Variants in ATL2 observed in about 807,000 individuals in gnomAD.
ATL2 encodes atlastin-2.
A neutral mutation model predicts 73.9 loss-of-function variants in ATL2; 31 were observed. The ratio of observed to expected loss-of-function variants is 0.42; its 90% confidence interval spans 0.32 to 0.57. The LOEUF (loss-of-function observed/expected upper bound fraction) is 0.57, where lower values mean the gene tolerates loss of function less well. Among genes scored for constraint, ATL2 ranks in the 20% least tolerant of loss-of-function variants. The pLI is 0.14. For missense variants in ATL2, 738 were observed against 702.6 expected (o/e 1.05, Z -0.57); for synonymous variants, 291 against 237.5 (o/e 1.23, Z -2.07).
chr2:38,369,427 A>G (rs1332821321), intron 1 of ATL2, among the ~76,000 whole-genome samples: 1 of 152,036 alleles, frequency 6.6e-6, no homozygotes, highest in Non-Finnish European at 1.5e-5. Context: ...TGGGCGACAG[A>G]GTAAGACTCT....
intron 1 of ATL2, among the ~76,000 whole-genome samples, chr2:38,376,932 G>A (rs1259152360): frequency 6.6e-6 from 1 of 150,910 alleles, no homozygotes; most frequent in South Asian, 2.1e-4. Flanking sequence ...AGCTACTGGA[G>A]CCGCGGCCCA....
intron 1 of ATL2, among the ~76,000 whole-genome samples, chr2:38,366,336 G>C (rs1671330149): frequency 2.0e-5 from 3 of 152,056 alleles, no homozygotes; most frequent in Admixed American, 2.0e-4. Context: ...TGCTCTATTT[G>C]GCTACAGGAA....
chr2:38,319,797 A>C (rs1029738916), intron 2 of ATL2, among the ~76,000 whole-genome samples: 1 of 152,080 alleles, frequency 6.6e-6, no homozygotes, highest in African/African-American at 2.4e-5. Flanking sequence ...TACTGCCTTC[A>C]TTTCCTCTTT....
intron 1 of ATL2, among the ~76,000 whole-genome samples, chr2:38,355,813 C>T (rs899572136): frequency 1.3e-5 from 2 of 151,408 alleles, no homozygotes; most frequent in African/African-American, 4.9e-5. Context: ...AATTCTCCTG[C>T]CTCAGCCTCC....
chr2:38,311,411 T>C (rs1667750958), intron 7 of ATL2, among the ~76,000 whole-genome samples: 1 of 82,224 alleles, frequency 1.2e-5, no homozygotes, highest in Non-Finnish European at 3.0e-5. Context: ...TGGAAAACAA[T>C]TTTAACAAAA....
rs138339715 is a variant in ATL2 at position 38,320,785 on chromosome 2, A to G, written c.364-1766T>C. ...TTAGGAGTGGAGAGATGGTTAAGAC[A>G]GGACCAATGAGGGATGAAGCAATTT... On this transcript the variant is annotated intron_variant, in intron 2 of 12. Transcript: ENST00000378954. 4.2e-3 allele frequency among the ~76,000 whole-genome samples: 638 copies of G among 152,286 alleles called. 8 individuals carry two copies. The South Asian group carries it at 0.045, about 11-fold the overall frequency.
At chr2:38,348,442 G>C in intron 1 of ATL2, among the ~76,000 whole-genome samples, 1 of 151,088 alleles carries the variant, frequency 6.6e-6, no homozygotes, top group Non-Finnish European at 1.5e-5. Context: ...CTCCAGCCTG[G>C]GCAACAAGAG....
At chr2:38,316,000 G>A (rs1329898658) in intron 4 of ATL2, among the ~76,000 whole-genome samples, 3 of 152,146 alleles carry the variant, frequency 2.0e-5, no homozygotes, top group South Asian at 2.1e-4. Flanking sequence ...CTCAGGAAAC[G>A]GGGATTTTCA....
chr2:38,335,867 C>T (rs1304769215), intron 2 of ATL2, among the ~76,000 whole-genome samples: 4 of 152,022 alleles, frequency 2.6e-5, no homozygotes, highest in Non-Finnish European at 4.4e-5. Context: ...AGTGAAACCC[C>T]GTCTCTACTA....
chr2:38,372,300 G>A (rs1356234689), intron 1 of ATL2, among the ~76,000 whole-genome samples: 1 of 152,062 alleles, frequency 6.6e-6, no homozygotes, highest in Non-Finnish European at 1.5e-5. Flanking sequence ...CATCTGTACT[G>A]AACATGTACA....
At chr2:38,376,490 C>G in intron 1 of ATL2, 1 of 214,154 alleles carries the variant, frequency 4.7e-6, no homozygotes, top group East Asian at 1.0e-4. Flanking sequence ...GACTTGCACC[C>G]TAGCCACGCA....
intron 2 of ATL2, among the ~76,000 whole-genome samples, chr2:38,323,321 T>C (rs200081858): frequency 1.3e-5 from 2 of 149,028 alleles, no homozygotes; most frequent in Non-Finnish European, 3.0e-5. Context: ...AAAACTCAAC[T>C]GCAAAAGGCA....
intron 7 of ATL2, among the ~76,000 whole-genome samples, chr2:38,312,137 C>T (rs1384656122): frequency 6.6e-6 from 1 of 152,134 alleles, no homozygotes; most frequent in South Asian, 2.1e-4. Context: ...ATAAAGGGGT[C>T]TTTATGTATC....
chr2:38,338,266 G>A (rs1011214180), intron 2 of ATL2, among the ~76,000 whole-genome samples: 1 of 152,094 alleles, frequency 6.6e-6, no homozygotes, highest in Non-Finnish European at 1.5e-5. Flanking sequence ...GGGTACTCAC[G>A]TACACAAAGA....
chr2:38,348,860 A>C (rs921053311), intron 1 of ATL2, among the ~76,000 whole-genome samples: 4 of 152,340 alleles, frequency 2.6e-5, no homozygotes, highest in African/African-American at 7.2e-5. Context: ...AAAGTGGGCA[A>C]AGGATATGAA....
At chr2:38,328,395 A>C (rs1668788523) in intron 2 of ATL2, among the ~76,000 whole-genome samples, 1 of 152,226 alleles carries the variant, frequency 6.6e-6, no homozygotes, top group Non-Finnish European at 1.5e-5. Context: ...ACTCACAAAG[A>C]ACATTCACCA....
chr2:38,328,714 A>C (rs1668807041), intron 2 of ATL2, among the ~76,000 whole-genome samples: 1 of 152,194 alleles, frequency 6.6e-6, no homozygotes, highest in Admixed American at 6.5e-5. Context: ...AGATGCATAC[A>C]GTAGGAAAGA....
At position 38,295,657 on chromosome 2, in the gene ATL2, CTAAA is replaced by C. The variant is rs985641398; in HGVS notation, c.*333_*336del. 4 of 168,572 alleles carry C rather than the reference CTAAA, an allele frequency of 2.4e-5. No homozygotes were observed. Among genetic ancestry groups the C allele is most frequent in the South Asian group, 1.7e-4 (1 of 6,004 alleles). 10.4% of individuals were successfully genotyped at this position (168,572 alleles called of 1,614,324 possible). On this transcript the variant is annotated 3_prime_UTR_variant, in exon 13 of 13. Transcript: ENST00000378954. ...AATGGGACACTGTGTTAAAGAGACT[CTAAA>C]TAGATTTCTGAAAATATTTCCCTGA...
intron 4 of ATL2, among the ~76,000 whole-genome samples, chr2:38,317,245 T>A (rs1007474551): frequency 7.2e-5 from 11 of 152,012 alleles, no homozygotes; most frequent in Admixed American, 4.6e-4. Context: ...ATACCCATTT[T>A]AAAAAAATAT....
Sources: allele counts gnomAD v4.1 joint callset (sites outside exome capture counted in the v4.1 genomes callset), GRCh38; gene constraint gnomAD v4.1.1; transcripts MANE v1.5; gene names NCBI Gene and HGNC (gene_info 2026-07-23, HGNC 2026-07-21).